Variants in HSPG2 observed in about 807,000 individuals in gnomAD.
The protein encoded by HSPG2 is basement membrane-specific heparan sulfate proteoglycan core protein.
In HSPG2, 278 loss-of-function variants were observed where a neutral mutation model predicts 526.6. The ratio of observed to expected loss-of-function variants is 0.53; its 90% CI spans 0.48 to 0.58. The LOEUF (loss-of-function observed/expected upper bound fraction) is 0.58. Among genes scored for constraint, HSPG2 ranks in the 20% least tolerant of loss-of-function variants. The pLI is 0.00. For synonymous variants in HSPG2, 2,465 were observed against 2,555.4 expected (o/e 0.96, Z 1.07); for missense variants, 5,354 against 6,099.5 (o/e 0.88, Z 4.07).
Position 21,837,016 on chromosome 1 carries a change from CATGTATGAGGTTCTGCAGGTAT to C in HSPG2, c.10151-32_10151-11del, listed in dbSNP as rs1557687590. The C allele has an allele frequency of 1.9e-6, 3 of 1,545,906 alleles. No individual in the cohort carries two copies. In the East Asian group the frequency reaches 7.3e-5, roughly 38 times the overall value. ...AGAGAGCCGGGAGGGCCTGCGGGGA[CATGTATGAGGTTCTGCAGGTAT>C]ATGTGTGTGTGATGTCCCTGATGCC... On this transcript the variant is annotated splice_polypyrimidine_tract_variant and intron_variant, in intron 74 of 96. Coordinates refer to ENST00000374695, the MANE Select transcript of HSPG2 (RefSeq NM_005529.7).
chr1:21,929,644 CAAAT>C (rs1470537067), intron 1 of HSPG2, among the ~76,000 whole-genome samples: 4 of 147,506 alleles, frequency 2.7e-5, no homozygotes, highest in African/African-American at 1.0e-4. Flanking sequence ...AGAGAAGACA[CAAAT>C]AAATTAACTG....
In HSPG2 at chr1:21,833,084, C is replaced by T. The variant is rs1257205727; in HGVS notation, c.11095+184G>A. 1.4e-5 allele frequency: 9 copies of T among 664,100 alleles called. No individual in the cohort carries two copies. The African/African-American group carries it at 1.4e-4, about 10-fold the overall frequency. 41.1% of individuals were successfully genotyped at this position (664,100 alleles called of 1,614,324 possible). A position where few individuals can be genotyped will look rare whatever the true frequency, so the allele number is the denominator to read the frequency against. ...TATCACAGAGGCAGGGATGGAGAAG[C>T]CGGGAGGCACAAGAGAAGGCACACC... On this transcript the variant is annotated intron_variant, in intron 80 of 96. Coordinates refer to ENST00000374695, the MANE Select transcript of HSPG2 (RefSeq NM_005529.7).
intron 1 of HSPG2, among the ~76,000 whole-genome samples, chr1:21,911,054 G>C (rs1204302530): frequency 6.6e-6 from 1 of 152,196 alleles, no homozygotes; most frequent in Non-Finnish European, 1.5e-5. Flanking sequence ...GGGGAGCCAG[G>C]AGCCTGAAGT....
In HSPG2 at chr1:21,848,352, G is replaced by A. The variant is rs978891013; in HGVS notation, c.7738-259C>T. On this transcript the variant is annotated intron_variant, in intron 59 of 96. Transcript: ENST00000374695. The surrounding 1 kb of genome is among the most constrained non-coding windows in gnomAD (Gnocchi z 4.9). ...TCCTGCTGGGGCTCCCACAGCCTGCGAGCTGCCTGAGAGCAGGCAACTGTC... is the reference window on the plus strand; with the variant it reads ...TCCTGCTGGGGCTCCCACAGCCTGCAAGCTGCCTGAGAGCAGGCAACTGTC... Among the ~76,000 whole-genome samples, 4 of 152,282 alleles carry A rather than the reference G, an allele frequency of 2.6e-5. No individual in the cohort carries two copies. The highest frequency in any genetic ancestry group is 1.9e-4 in the East Asian group (1 of 5,170).
chr1:21,838,698 A>C, intron 74 of HSPG2, 127 bp downstream of exon 74: 5 of 970,240 alleles, frequency 5.2e-6, no homozygotes, highest in Non-Finnish European at 8.0e-6. Context: ...CCTGGAGAGT[A>C]GGGGAGATGA....
At chr1:21,852,375 C>T in intron 52 of HSPG2, 142 bp from the exon 53 acceptor site, 2 of 1,082,644 alleles carry the variant, frequency 1.8e-6, no homozygotes, top group Non-Finnish European at 2.7e-6. Flanking sequence ...GACTTGATGC[C>T]CTCAGCTCAG....
intron 67 of HSPG2, 66 bp from the exon 68 acceptor site, chr1:21,842,446 C>CAACTGTGCCG: frequency 1.3e-6 from 2 of 1,484,886 alleles, no homozygotes; most frequent in Non-Finnish European, 1.8e-6. Context: ...TCCCCAAGCC[C>CAACTGTGCCG]AACTGTGCCG....
rs777784545 is a variant in HSPG2 at position 21,828,923 on chromosome 1, G to T, written c.12149C>A (p.Thr4050Asn). 2 of 1,567,314 alleles carry T rather than the reference G, an allele frequency of 1.3e-6. No homozygotes were observed. The highest frequency in any genetic ancestry group is 1.7e-6 in the Non-Finnish European group (2 of 1,156,012). The change falls in exon 88 of 97, where the codon ACC becomes AAC. Residue 4050 changes from threonine (T) to asparagine (N), a missense_variant. Transcript: ENST00000374695. The surrounding 1 kb of genome is among the most constrained non-coding windows in gnomAD (Gnocchi z 6.0). ...PGKSQGLNLHTLLYLGGVEPS... is the reference protein window; with the variant it reads ...PGKSQGLNLHNLLYLGGVEPS... ...CTCCACACCCCCCAGGTAGAGCAGG[G>T]TGTGCAGGTTGAGGCCCTGGCTCTT...
At chr1:21,835,679 A>G (rs762711448) in intron 75 of HSPG2, 42 bp from the exon 76 acceptor site, 5 of 1,476,226 alleles carry the variant, frequency 3.4e-6, no homozygotes, top group South Asian at 2.3e-5. Context: ...GTTGAAAACA[A>G]CTGATAGAAT....
intron 53 of HSPG2, 66 bp from the exon 54 acceptor site, chr1:21,851,992 C>T (rs918467434): frequency 1.2e-6 from 2 of 1,609,384 alleles, no homozygotes; most frequent in African/African-American, 1.3e-5. Flanking sequence ...CCACCGCTGT[C>T]CCCCCGATCT....
At position 21,839,735 on chromosome 1, in the gene HSPG2, ACAT is replaced by A. The variant is rs1572183836; in HGVS notation, c.9709+84_9709+86del. ...CCCGTACTCCCCACCCCTGGGCATGACATCATCTCTAGATCACATGTGTCTACA... is the reference window on the plus strand; with the variant it reads ...CCCGTACTCCCCACCCCTGGGCATGACATCTCTAGATCACATGTGTCTACA... On this transcript the variant is annotated intron_variant, in intron 72 of 96. Coordinates refer to ENST00000374695, the MANE Select transcript of HSPG2 (RefSeq NM_005529.7). The surrounding 1 kb of genome is among the most constrained non-coding windows in gnomAD (Gnocchi z 4.5). 2.0e-6 allele frequency: 3 copies of A among 1,482,364 alleles called. No individual in the cohort carries two copies. Among genetic ancestry groups the A allele is most frequent in the African/African-American group, 2.8e-5 (2 of 72,530 alleles). The allele number at this position is 1,482,364 out of a possible 1,614,324, so 91.8% of individuals were successfully genotyped here. A position where few individuals can be genotyped will look rare whatever the true frequency, so the allele number is the denominator to read the frequency against.
Position 21,878,451 on chromosome 1 carries a change from C to T in HSPG2, c.2599G>A (p.Gly867Arg), listed in dbSNP as rs147301154. 3.2e-5 allele frequency: 52 copies of T among 1,607,754 alleles called. No individual in the cohort carries two copies. The highest frequency in any genetic ancestry group is 2.7e-4 in the South Asian group (24 of 90,398). The change falls in exon 20 of 97, where the codon GGG becomes AGG. Residue 867 changes from glycine (G) to arginine (R), a missense_variant. Gly to Arg is a moderately radical substitution (Grantham distance 125). Coordinates refer to ENST00000374695, the MANE Select transcript of HSPG2 (RefSeq NM_005529.7). ...GYEGNPIQPG[G>R]KCRPVNQEIV... ...TACTCACTGACGGGCCTGCACTTCCCGCCGGGCTGGATGGGGTTGCCCTCG... is the reference window on the plus strand; with the variant it reads ...TACTCACTGACGGGCCTGCACTTCCTGCCGGGCTGGATGGGGTTGCCCTCG...
In HSPG2 at chr1:21,859,247, C is replaced by T. The variant is rs566888393; in HGVS notation, c.5293+319G>A. ...CATTTGTACTAGAGACAGGGTTTTACGACGTTGGCCAGGCTGGTCTCGAAC... is the reference window on the plus strand; with the variant it reads ...CATTTGTACTAGAGACAGGGTTTTATGACGTTGGCCAGGCTGGTCTCGAAC... On this transcript the variant is annotated intron_variant, in intron 42 of 96. Coordinates refer to ENST00000374695, the MANE Select transcript of HSPG2 (RefSeq NM_005529.7). The surrounding 1 kb of genome is among the most constrained non-coding windows in gnomAD (Gnocchi z 5.3). Among the ~76,000 whole-genome samples, 84 of 152,168 alleles carry T rather than the reference C, an allele frequency of 5.5e-4. No individual in the cohort carries two copies. The highest frequency in any genetic ancestry group is 1.2e-3 in the Admixed American group (18 of 15,286).
intron 91 of HSPG2, among the ~76,000 whole-genome samples, chr1:21,825,824 G>A (rs1572134480): frequency 1.3e-5 from 2 of 151,982 alleles, no homozygotes; most frequent in African/African-American, 4.8e-5. Context: ...CTCGCTCCGT[G>A]GCCCAGGCTG....
In HSPG2 at chr1:21,872,866, C is replaced by A; in HGVS notation, c.3889-106G>T. 7.8e-6 allele frequency: 12 copies of A among 1,535,886 alleles called. No individual in the cohort carries two copies. The highest frequency in any genetic ancestry group is 1.1e-5 in the Non-Finnish European group (12 of 1,116,694). On this transcript the variant is annotated intron_variant, in intron 31 of 96. Coordinates refer to ENST00000374695, the MANE Select transcript of HSPG2 (RefSeq NM_005529.7). The surrounding 1 kb of genome is among the most constrained non-coding windows in gnomAD (Gnocchi z 5.5). ...GGCCACTTCCAGCAGCCCCGGGCAG[C>A]CCCTGCCCTGTCCCCCATGCCCTGC...
At chr1:21,935,738 C>T (rs1381520755) in intron 1 of HSPG2, among the ~76,000 whole-genome samples, 2 of 152,234 alleles carry the variant, frequency 1.3e-5, no homozygotes, top group Non-Finnish European at 2.9e-5. Context: ...CCTCGGAAAA[C>T]ATCCCACGTG....
At chr1:21,868,891 C>T in intron 33 of HSPG2, 2 of 974,874 alleles carry the variant, frequency 2.1e-6, no homozygotes, top group East Asian at 1.1e-4. Context: ...TTACCTTGTC[C>T]CCCAGGAAGG....
In HSPG2 at chr1:21,872,692, T is replaced by G; in HGVS notation, c.3957A>C (p.Pro1319=). The part of the protein sequence containing the change: ...PHHFHLSASN[P]DGCLPCFCMG... ...TACAGAAGCAGGGCAGGCAGCCGTC[T>G]GGGTTGCTGGCACTCAGGTGGAAGT... The change falls in exon 32 of 97, where the codon CCA becomes CCC. Residue 1319 remains proline (P), a synonymous_variant. Transcript: ENST00000374695. The surrounding 1 kb of genome is among the most constrained non-coding windows in gnomAD (Gnocchi z 5.5). 1 of 1,608,264 alleles carries G rather than the reference T, an allele frequency of 6.2e-7. No homozygotes were observed. The highest frequency in any genetic ancestry group is 1.1e-5 in the South Asian group (1 of 89,570).
intron 29 of HSPG2, 98 bp downstream of exon 29, chr1:21,873,827 T>A (rs1640842902): frequency 9.7e-7 from 1 of 1,032,580 alleles, no homozygotes; most frequent in Admixed American, 2.3e-5. Context: ...GCGAGAGGCA[T>A]CCCTGATTCC....
Sources: gnomAD v4.1 joint callset for allele counts (sites outside exome capture counted in the v4.1 genomes callset) on GRCh38, gnomAD v4.1.1 for gene constraint, Gnocchi (gnomAD v3.1) non-coding constraint, MANE v1.5 for transcripts, NCBI Gene and HGNC (gene_info 2026-07-23, HGNC 2026-07-21) for gene names.